RALGAPA2: variants seen among roughly 807,000 people sequenced by gnomAD.
RALGAPA2 encodes the protein Ral GTPase activating protein catalytic subunit alpha 2.
A neutral mutation model predicts 230.4 loss-of-function variants in RALGAPA2; 139 were observed. That is an observed-to-expected ratio of 0.60 (90% CI 0.53 to 0.69). RALGAPA2 has a LOEUF of 0.69. RALGAPA2 is among the 30% of genes least tolerant of loss of function. RALGAPA2 has a pLI of 0.00. For synonymous variants in RALGAPA2, 847 were observed against 837.8 expected, an observed-to-expected ratio of 1.01 and a Z score of -0.19; for missense variants, 2,163 against 2,276.0, an observed-to-expected ratio of 0.95 and a Z score of 1.01.
chr20:20,695,952 C>T (rs146733825), intron 1 of RALGAPA2, among the ~76,000 whole-genome samples: 56 of 152,132 alleles, frequency 3.7e-4, no homozygotes, highest in African/African-American at 1.3e-3. Flanking sequence ...TCATTCTTCT[C>T]CAGCCACTGA....
intron 37 of RALGAPA2, among the ~76,000 whole-genome samples, chr20:20,453,854 T>A (rs1053102941): frequency 4.6e-5 from 7 of 152,260 alleles, no homozygotes; most frequent in African/African-American, 1.7e-4. Flanking sequence ...ACGAAAAAAA[T>A]GCTTTTGGAC....
intron 4 of RALGAPA2, among the ~76,000 whole-genome samples, chr20:20,644,292 A>T (rs752665712): frequency 6.6e-6 from 1 of 152,202 alleles, no homozygotes; most frequent in Non-Finnish European, 1.5e-5. Context: ...CTCTCAGTCA[A>T]ATTTCAGATC....
rs148734336 is a variant in RALGAPA2 at position 20,591,684 on chromosome 20, C to CCACACACACACA, written c.2204-382_2204-371dup. On this transcript the variant is annotated intron_variant, in intron 16 of 39. Coordinates refer to ENST00000202677, the MANE Select transcript of RALGAPA2 (RefSeq NM_020343.4). ...ATGTACATTTGAGAAGAACAGAAAACCACACACACACACACACACACACAT... is the reference window on the plus strand; with the variant it reads ...ATGTACATTTGAGAAGAACAGAAAACCACACACACACACACACACACACACACACACACACAT... Among the ~76,000 whole-genome samples the CCACACACACACA allele has an allele frequency of 1.3e-3, 194 of 147,590 alleles. 1 individual carries two copies. Among genetic ancestry groups the CCACACACACACA allele is most frequent in the African/African-American group, 4.5e-3 (181 of 40,426 alleles).
In RALGAPA2 at chr20:20,452,219, G is replaced by C. The variant is rs1236433641; in HGVS notation, c.5495+20610C>G. Among the ~76,000 whole-genome samples, 2 of 152,170 alleles carry C rather than the reference G, an allele frequency of 1.3e-5. 1 individual carries two copies. The highest frequency in any genetic ancestry group is 4.8e-5 in the African/African-American group (2 of 41,452). ...TAAAATAACTTCAATCCAAAGTAAA[G>C]CAAATCGTTTCATACACTTTCAGTA... is the stretch of plus-strand genomic sequence containing the variant. On this transcript the variant is annotated intron_variant, in intron 37 of 39. Coordinates refer to ENST00000202677, the MANE Select transcript of RALGAPA2 (RefSeq NM_020343.4).
At chr20:20,489,041 G>A (rs542979467) in intron 36 of RALGAPA2, among the ~76,000 whole-genome samples, 10 of 152,168 alleles carry the variant, frequency 6.6e-5, no homozygotes, top group Non-Finnish European at 1.2e-4. Context: ...CCAGGGGAAG[G>A]GTGACGGGAG....
In RALGAPA2 at chr20:20,548,365, C is replaced by CT. The variant is rs1291478653; in HGVS notation, c.3157-1534dup. Reference sequence around the variant, plus strand: ...TGTTCACAAACCATTTTTCCTAAGACTTTTTTTTCTTTACATGGGTCTTAG... The same window carrying CT: ...TGTTCACAAACCATTTTTCCTAAGACTTTTTTTTTCTTTACATGGGTCTTAG... On this transcript the variant is annotated intron_variant, in intron 23 of 39. Transcript: ENST00000202677. 7.2e-5 allele frequency among the ~76,000 whole-genome samples: 11 copies of CT among 152,104 alleles called. No individual in the cohort carries two copies. The South Asian group carries it at 1.5e-3, about 20-fold the overall frequency.
At chr20:20,581,018 T>A (rs1007646220) in intron 20 of RALGAPA2, among the ~76,000 whole-genome samples, 2 of 152,194 alleles carry the variant, frequency 1.3e-5, no homozygotes, top group African/African-American at 4.8e-5. Context: ...ACTGTGATAA[T>A]CCTTAAGCCT....
intron 31 of RALGAPA2, 101 bp from the exon 32 acceptor site, chr20:20,513,385 G>A: frequency 7.1e-6 from 7 of 983,658 alleles, no homozygotes; most frequent in Non-Finnish European, 9.4e-6. Context: ...TTCCAATATG[G>A]TAGATTACAG....
intron 23 of RALGAPA2, among the ~76,000 whole-genome samples, chr20:20,565,000 A>G (rs765974500): frequency 1.3e-5 from 2 of 152,236 alleles, no homozygotes; most frequent in Non-Finnish European, 2.9e-5. Context: ...CTCTACTGAT[A>G]CACATCAAAG....
chr20:20,516,882 G>C lies in RALGAPA2; in HGVS notation c.4085-3598C>G, dbSNP rs1053506569. On this transcript the variant is annotated intron_variant, in intron 31 of 39. Coordinates refer to ENST00000202677, the MANE Select transcript of RALGAPA2 (RefSeq NM_020343.4). ...ACACCCCATGGGACAAAAGAATTTG[G>C]ACAGCAGGTCTTGAGTCCCACATCT... Among the ~76,000 whole-genome samples the C allele has an allele frequency of 3.9e-5, 6 of 152,242 alleles. No homozygotes were observed. In the East Asian group the frequency reaches 9.6e-4, roughly 24 times the overall value.
chr20:20,449,898 C>A (rs544192506), intron 37 of RALGAPA2, among the ~76,000 whole-genome samples: 1 of 152,262 alleles, frequency 6.6e-6, no homozygotes, highest in Admixed American at 6.5e-5. Context: ...CATGTGGTAG[C>A]TACACCTTAC....
At chr20:20,556,705 C>G (rs536088689) in intron 23 of RALGAPA2, among the ~76,000 whole-genome samples, 13 of 151,842 alleles carry the variant, frequency 8.6e-5, no homozygotes, top group Admixed American at 2.0e-4. Flanking sequence ...GCATCAGACA[C>G]ATGTGTAAGG....
chr20:20,524,601 TA>T, intron 29 of RALGAPA2, 58 bp from the exon 30 acceptor site: 2 of 1,595,390 alleles, frequency 1.3e-6, no homozygotes, highest in Non-Finnish European at 1.7e-6. Context: ...TCACTACATG[TA>T]ATAATAAGAG....
At chr20:20,700,384 C>A (rs1265285998) in intron 1 of RALGAPA2, among the ~76,000 whole-genome samples, 3 of 152,044 alleles carry the variant, frequency 2.0e-5, no homozygotes, top group Non-Finnish European at 4.4e-5. Flanking sequence ...GGGATCCATA[C>A]CCCAAATCTC....
intron 18 of RALGAPA2, among the ~76,000 whole-genome samples, chr20:20,588,633 T>C (rs1349922872): frequency 6.6e-6 from 1 of 152,086 alleles, no homozygotes; most frequent in Non-Finnish European, 1.5e-5. Context: ...ATGCCCTTTT[T>C]AAAAATAAAG....
At chr20:20,650,618 A>T (rs539718142) in intron 4 of RALGAPA2, among the ~76,000 whole-genome samples, 1 of 152,308 alleles carries the variant, frequency 6.6e-6, no homozygotes, top group South Asian at 2.1e-4. Flanking sequence ...AATATTTGCT[A>T]CCTAGAATAT....
chr20:20,572,553 C>T (rs1045013368), intron 21 of RALGAPA2, among the ~76,000 whole-genome samples: 46 of 151,444 alleles, frequency 3.0e-4, no homozygotes, highest in Non-Finnish European at 5.5e-4. Context: ...TGTTAATTTT[C>T]TTCTTTGTAT....
chr20:20,489,370 C>A (rs1316342971), intron 36 of RALGAPA2, among the ~76,000 whole-genome samples: 1 of 152,214 alleles, frequency 6.6e-6, no homozygotes, highest in African/African-American at 2.4e-5. Context: ...TAAGATCATT[C>A]GTGTTGCCAG....
At chr20:20,675,665 AT>A (rs2068295051) in intron 3 of RALGAPA2, among the ~76,000 whole-genome samples, 1 of 152,154 alleles carries the variant, frequency 6.6e-6, no homozygotes, top group African/African-American at 2.4e-5. Context: ...ACACCCAAAC[AT>A]TGTTTCAACT....
Sources: gnomAD v4.1 joint callset for allele counts (sites outside exome capture counted in the v4.1 genomes callset) on GRCh38, gnomAD v4.1.1 for gene constraint, MANE v1.5 for transcripts, NCBI Gene and HGNC (gene_info 2026-07-23, HGNC 2026-07-21) for gene names.